CHLSN: variants seen among roughly 807,000 people sequenced by gnomAD.
CHLSN encodes the protein cholesin.
the CHLSN span, among the ~76,000 whole-genome samples, chr7:1,104,394 C>T: frequency 2.0e-5 from 3 of 152,190 alleles, no homozygotes; most frequent in Non-Finnish European, 1.5e-5. Flanking sequence ...TGGGAAACAG[C>T]GAGACCCATC....
At chr7:1,012,939 A>G in the CHLSN span, among the ~76,000 whole-genome samples, 1 of 152,200 alleles carries the variant, frequency 6.6e-6, no homozygotes, top group Non-Finnish European at 1.5e-5. Flanking sequence ...GACCTCAGCT[A>G]TCTTGGGATG....
chr7:1,074,680 G>C, the CHLSN span: 2 of 152,110 alleles, frequency 1.3e-5, no homozygotes, highest in African/African-American at 4.8e-5. Context: ...GTCTGTGTCC[G>C]ATGGCCCCGG....
At chr7:1,025,319 C>T in the CHLSN span, 3,228 of 152,484 alleles carry the variant, frequency 0.021, 115 homozygotes, top group East Asian at 0.19. Context: ...TTCCAAGGAT[C>T]CCAAGTGGGG....
chr7:996,541 G>A, the CHLSN span, among the ~76,000 whole-genome samples: 1 of 152,230 alleles, frequency 6.6e-6, no homozygotes, highest in African/African-American at 2.4e-5. Flanking sequence ...GCTCTGTGGA[G>A]GCCCAGACCG....
At chr7:1,055,803 C>G in the CHLSN span, among the ~76,000 whole-genome samples, 1 of 152,270 alleles carries the variant, frequency 6.6e-6, no homozygotes, top group South Asian at 2.1e-4. Context: ...TAATCACAGA[C>G]CCTGGACAGA....
At chr7:1,015,764 C>A in the CHLSN span, among the ~76,000 whole-genome samples, 1 of 152,180 alleles carries the variant, frequency 6.6e-6, no homozygotes, top group Non-Finnish European at 1.5e-5. Context: ...GGCACCAAGG[C>A]AGGAGCGCAT....
chr7:1,063,535 A>G, the CHLSN span, among the ~76,000 whole-genome samples: 1 of 152,226 alleles, frequency 6.6e-6, no homozygotes, highest in African/African-American at 2.4e-5. Flanking sequence ...GCGTTCGTGC[A>G]CGAAGCGGCG....
At chr7:1,121,110 C>T in the CHLSN span, among the ~76,000 whole-genome samples, 1 of 152,216 alleles carries the variant, frequency 6.6e-6, no homozygotes, top group South Asian at 2.1e-4. Context: ...GCCGGCCTCC[C>T]GCTGCCTACG....
the CHLSN span, chr7:1,057,907 G>T: frequency 1.3e-6 from 1 of 775,808 alleles, no homozygotes. Flanking sequence ...TACATCGAGC[G>T]TGCACTGCCG....
At chr7:988,286 G>A in the CHLSN span, 41 of 1,592,436 alleles carry the variant, frequency 2.6e-5, no homozygotes, top group Admixed American at 3.4e-4. Flanking sequence ...GGGCACGCCC[G>A]TGATTCCCCT....
chr7:1,132,882 C>A, the CHLSN span, among the ~76,000 whole-genome samples: 40 of 151,988 alleles, frequency 2.6e-4, no homozygotes, highest in Middle Eastern at 0.02. Context: ...AGAAGATACA[C>A]GAATGACCAA....
the CHLSN span, chr7:997,553 C>G: frequency 1.5e-6 from 2 of 1,324,110 alleles, no homozygotes; most frequent in Non-Finnish European, 2.0e-6. Flanking sequence ...CCCCCACCGC[C>G]GGAGGAGCTG....
the CHLSN span, among the ~76,000 whole-genome samples, chr7:1,011,333 C>T: frequency 6.8e-6 from 1 of 146,862 alleles, no homozygotes; most frequent in African/African-American, 2.5e-5. Context: ...GCCACACACC[C>T]ACATACAACC....
At chr7:1,059,760 T>TTAGGTGGGTCCG in the CHLSN span, among the ~76,000 whole-genome samples, 248 of 105,904 alleles carry the variant, frequency 2.3e-3, 2 homozygotes, top group Non-Finnish European at 3.2e-3. Flanking sequence ...GAGGCAGGTC[T>TTAGGTGGGTCCG]TAGTGGGGCG....
At chr7:1,002,945 GA>G in the CHLSN span, among the ~76,000 whole-genome samples, 12 of 108,250 alleles carry the variant, frequency 1.1e-4, no homozygotes, top group African/African-American at 4.0e-4. Flanking sequence ...TCCTGTGGGT[GA>G]GTGGAGTCCT....
the CHLSN span, among the ~76,000 whole-genome samples, chr7:1,127,885 G>A: frequency 0.045 from 917 of 20,574 alleles, 79 homozygotes; most frequent in East Asian, 0.25. Flanking sequence ...GCAGTGGCAC[G>A]ATCTCGGCTC....
At chr7:1,058,313 G>A in the CHLSN span, 3 of 776,208 alleles carry the variant, frequency 3.9e-6, no homozygotes, top group East Asian at 7.3e-5. Context: ...GGAAGCCCGT[G>A]GACGCACACT....
the CHLSN span, among the ~76,000 whole-genome samples, chr7:1,082,474 A>G: frequency 6.6e-6 from 1 of 152,352 alleles, no homozygotes; most frequent in Admixed American, 6.5e-5. Context: ...ATCCATCCCC[A>G]CTTAAAGACA....
chr7:1,038,944 G>A, the CHLSN span, among the ~76,000 whole-genome samples: 2 of 66,376 alleles, frequency 3.0e-5, no homozygotes, highest in Non-Finnish European at 6.3e-5. Flanking sequence ...GCCTCTGCCC[G>A]GCCGCCCCTA....
Sources: allele counts gnomAD v4.1 joint callset (sites outside exome capture counted in the v4.1 genomes callset), GRCh38; gene constraint gnomAD v4.1.1; transcripts MANE v1.5; gene names NCBI Gene and HGNC (gene_info 2026-07-23, HGNC 2026-07-21).